Variants in ARHGAP15 observed in about 807,000 individuals in gnomAD.
ARHGAP15 encodes the protein rho GTPase-activating protein 15.
ARHGAP15 carries 51 observed loss-of-function variants against 63.7 expected under a neutral mutation model. The ratio of observed to expected loss-of-function variants is 0.80; its 90% CI spans 0.64 to 1.01. The LOEUF (loss-of-function observed/expected upper bound fraction) is 1.01, where lower values mean the gene tolerates loss of function less well. Among genes scored for constraint, ARHGAP15 ranks in the 50% least tolerant of loss-of-function variants. The pLI is 0.00. For missense variants in ARHGAP15, 560 were observed against 564.6 expected (o/e 0.99, Z 0.08); for synonymous variants, 191 against 193.8 (o/e 0.99, Z 0.12).
chr2:143,323,785 C>G (rs748025112), intron 6 of ARHGAP15, among the ~76,000 whole-genome samples: 47 of 150,018 alleles, frequency 3.1e-4, no homozygotes, highest in African/African-American at 1.1e-3. Flanking sequence ...TACTCCTACT[C>G]GGGAGGCTGA....
intron 2 of ARHGAP15, among the ~76,000 whole-genome samples, 158 bp downstream of exon 2, chr2:143,155,813 A>T (rs759407683): frequency 6.6e-6 from 1 of 151,900 alleles, no homozygotes. Context: ...CAGTCATGAT[A>T]ATATCCCCAG....
At chr2:143,131,407 C>T (rs1220945384) in intron 1 of ARHGAP15, among the ~76,000 whole-genome samples, 2 of 152,108 alleles carry the variant, frequency 1.3e-5, no homozygotes, top group Admixed American at 6.5e-5. Flanking sequence ...CATATTAAAG[C>T]TAATTTGCTC....
rs556008093 is a variant in ARHGAP15, at chr2:143,551,043, C to T, written c.926-5365C>T. On this transcript the variant is annotated intron_variant, in intron 10 of 13. Transcript: ENST00000295095. ...GTGTACAGATAAGTGGTAGGAACTACGAATGCACTAAGCTCTTTATCTTTT... is the reference window on the plus strand; with the variant it reads ...GTGTACAGATAAGTGGTAGGAACTATGAATGCACTAAGCTCTTTATCTTTT... Among the ~76,000 whole-genome samples, 18 of 152,174 alleles carry T rather than the reference C, an allele frequency of 1.2e-4. No individual in the cohort carries two copies. In the South Asian group the frequency reaches 3.1e-3, roughly 26 times the overall value.
chr2:143,521,639 C>G (rs769465565), intron 10 of ARHGAP15, among the ~76,000 whole-genome samples: 3 of 152,080 alleles, frequency 2.0e-5, no homozygotes, highest in Non-Finnish European at 4.4e-5. Flanking sequence ...AACTCAACTG[C>G]AGAGTCATGG....
chr2:143,756,353 G>A (rs1686576101), intron 13 of ARHGAP15, among the ~76,000 whole-genome samples: 1 of 152,060 alleles, frequency 6.6e-6, no homozygotes, highest in African/African-American at 2.4e-5. Flanking sequence ...TCAAAGTTCT[G>A]TCTAAAATAT....
At chr2:143,720,739 G>T (rs1559143851) in intron 13 of ARHGAP15, among the ~76,000 whole-genome samples, 2 of 152,106 alleles carry the variant, frequency 1.3e-5, no homozygotes, top group African/African-American at 2.4e-5. Flanking sequence ...ACTTCAGTGT[G>T]CTCACAAACC....
At chr2:143,292,302 GTTAA>G (rs1682440443) in intron 6 of ARHGAP15, among the ~76,000 whole-genome samples, 1 of 151,904 alleles carries the variant, frequency 6.6e-6, no homozygotes, top group Admixed American at 6.6e-5. Context: ...CTTTTTTTTA[GTTAA>G]TTATTTACAA....
chr2:143,439,506 C>A (rs1054292240), intron 8 of ARHGAP15, among the ~76,000 whole-genome samples: 1 of 121,522 alleles, frequency 8.2e-6, no homozygotes, highest in Non-Finnish European at 1.7e-5. Context: ...TGTACAGTGA[C>A]TTCATACTCA....
chr2:143,322,118 T>C (rs1473206778), intron 6 of ARHGAP15, among the ~76,000 whole-genome samples: 2 of 152,208 alleles, frequency 1.3e-5, no homozygotes, highest in Admixed American at 1.3e-4. Context: ...TTATTTCTAC[T>C]GTTTTTGGAA....
At chr2:143,416,812 T>TCCCCCCCCCCCCCCCCCCCCCCCCCTC (rs1209461060) in intron 6 of ARHGAP15, among the ~76,000 whole-genome samples, 1 of 69,312 alleles carries the variant, frequency 1.4e-5, no homozygotes, top group African/African-American at 4.9e-5. Flanking sequence ...GCCTGCCACT[T>TCCCCCCCCCCCCCCCCCCCCCCCCCTC]CCCCCACCAC....
intron 3 of ARHGAP15, among the ~76,000 whole-genome samples, chr2:143,212,342 T>G (rs1299615466): frequency 3.3e-5 from 5 of 152,214 alleles, no homozygotes; most frequent in Non-Finnish European, 2.9e-5. Context: ...GCCGAGCACT[T>G]CCTCAGTGCT....
chr2:143,214,122 C>A (rs535271557), intron 3 of ARHGAP15, among the ~76,000 whole-genome samples: 22 of 152,050 alleles, frequency 1.4e-4, no homozygotes, highest in Non-Finnish European at 2.9e-4. Flanking sequence ...AAATGTCTAC[C>A]GAGGGATCTT....
At chr2:143,612,721 T>C (rs950930142) in intron 11 of ARHGAP15, among the ~76,000 whole-genome samples, 5 of 152,194 alleles carry the variant, frequency 3.3e-5, no homozygotes, top group Non-Finnish European at 7.3e-5. Context: ...CTGTCCTGTA[T>C]CACTAGCAGA....
intron 6 of ARHGAP15, among the ~76,000 whole-genome samples, chr2:143,325,660 T>C (rs77764754): frequency 0.012 from 1,794 of 152,262 alleles, 34 homozygotes; most frequent in African/African-American, 0.041. Flanking sequence ...CCAAGTTAAT[T>C]ACTTAGAGAC....
intron 2 of ARHGAP15, among the ~76,000 whole-genome samples, chr2:143,168,934 A>G (rs1690654890): frequency 6.6e-6 from 1 of 152,064 alleles, no homozygotes; most frequent in Admixed American, 6.6e-5. Context: ...TCACTTCTTC[A>G]TAGCCAAAAT....
intron 13 of ARHGAP15, among the ~76,000 whole-genome samples, chr2:143,719,650 G>A (rs1366771466): frequency 6.6e-6 from 1 of 152,108 alleles, no homozygotes; most frequent in Non-Finnish European, 1.5e-5. Flanking sequence ...CTCTCCTGGT[G>A]CCACATTTCC....
chr2:143,719,543 C>A (rs535084879), intron 13 of ARHGAP15, among the ~76,000 whole-genome samples: 79 of 152,158 alleles, frequency 5.2e-4, no homozygotes, highest in Non-Finnish European at 1.1e-3. Flanking sequence ...CCTGCTCACC[C>A]ATCTTTTCCA....
chr2:143,412,503 A>C (rs1485482687), intron 6 of ARHGAP15, among the ~76,000 whole-genome samples: 3 of 152,168 alleles, frequency 2.0e-5, no homozygotes, highest in Admixed American at 6.5e-5. Flanking sequence ...ATCTTTTCAC[A>C]GGTTTCTTGT....
At chr2:143,339,809 T>TA (rs1385916102) in intron 6 of ARHGAP15, among the ~76,000 whole-genome samples, 1 of 152,224 alleles carries the variant, frequency 6.6e-6, no homozygotes, top group Non-Finnish European at 1.5e-5. Context: ...TGTAGCCAGC[T>TA]ATTCAGCATC....
Sources: gnomAD v4.1 joint callset for allele counts (sites outside exome capture counted in the v4.1 genomes callset) on GRCh38, gnomAD v4.1.1 for gene constraint, MANE v1.5 for transcripts, NCBI Gene and HGNC (gene_info 2026-07-23, HGNC 2026-07-21) for gene names.